TRMT112: variants seen among roughly 807,000 people sequenced by gnomAD.
The protein encoded by TRMT112 is tRNA methyltransferase activator subunit 11-2, also known as multifunctional methyltransferase subunit TRM112-like protein.
Under a neutral mutation model 13.8 loss-of-function variants are expected in TRMT112, and 9 were observed. The ratio of observed to expected loss-of-function variants is 0.65; its 90% CI spans 0.39 to 1.14. The LOEUF (loss-of-function observed/expected upper bound fraction) is 1.14. Ranked by LOEUF, TRMT112 falls within the 50% of genes most tolerant of loss-of-function variation. The pLI, the probability that TRMT112 is intolerant of heterozygous loss-of-function variation, is 0.01. For synonymous variants in TRMT112, 64 were observed against 67.0 expected, an observed-to-expected ratio of 0.96 and a Z score of 0.22; for missense variants, 196 against 165.5, an observed-to-expected ratio of 1.18 and a Z score of -1.01.
upstream of TRMT112, chr11:64,317,766 T>G (rs760432232): frequency 4.3e-5 from 33 of 763,514 alleles, no homozygotes; most frequent in Admixed American, 1.4e-4. Flanking sequence ...AGCTTTTTTT[T>G]GCCACAAATT....
chr11:64,316,628 C>A lies in TRMT112; in HGVS notation c.*233G>T. On this transcript the variant is annotated 3_prime_UTR_variant, in exon 4 of 4. Transcript: ENST00000544844. ...CGCAGGGACATGGGGCAAGCCAGGGCCCAGAGCCCTTGGCTGTACAGAGAC... is the reference window on the plus strand; with the variant it reads ...CGCAGGGACATGGGGCAAGCCAGGGACCAGAGCCCTTGGCTGTACAGAGAC... The A allele has an allele frequency of 2.0e-6, 1 of 511,216 alleles. No homozygotes were observed. 31.7% of individuals were successfully genotyped at this position (511,216 alleles called of 1,614,324 possible).
At position 64,317,275 on chromosome 11, in the gene TRMT112, C is replaced by T; in HGVS notation, c.169G>A (p.Ala57Thr). 1 of 1,610,798 alleles carries T rather than the reference C, an allele frequency of 6.2e-7. No homozygotes were observed. ...PKVEWSAFLE[A>T]ADNLRLIQVP... ...GTAAGGATCCTCACGTTATCGGCCGCCTCCAGGAACGCCGACCACTCCACT... is the reference window on the plus strand; with the variant it reads ...GTAAGGATCCTCACGTTATCGGCCGTCTCCAGGAACGCCGACCACTCCACT... Residue 57 changes from alanine (A) to threonine (T), a missense_variant, in exon 2 of 4, where the codon GCG becomes ACG. Transcript: ENST00000544844.
upstream of TRMT112, chr11:64,317,711 C>G (rs889705025): frequency 1.7e-5 from 13 of 768,004 alleles, 1 homozygote; most frequent in South Asian, 2.3e-4. Context: ...GGTCACGCGC[C>G]GCTACCGGAA....
At chr11:64,317,657 C>G (rs1415475976), upstream of TRMT112, 2 of 1,060,924 alleles carry the variant, frequency 1.9e-6, no homozygotes, top group African/African-American at 3.2e-5. Context: ...GCTGGAACTT[C>G]TCGTGTTTGT....
upstream of TRMT112, chr11:64,317,831 A>G: frequency 1.1e-6 from 1 of 873,084 alleles, no homozygotes; most frequent in South Asian, 2.2e-5. Context: ...GCTCTCGTTG[A>G]ATGCAAAATA....
chr11:64,317,165 A>G lies in TRMT112; in HGVS notation c.181-18T>C, dbSNP rs1387285150. On this transcript the variant is annotated intron_variant, in intron 2 of 3. Coordinates refer to ENST00000544844, the MANE Select transcript of TRMT112 (RefSeq NM_016404.3). Reference sequence around the variant, plus strand: ...AGACGCAACTGTGGGCAAGAGGCCAAAATTATCTCCGGGCATCCCGAACTC... The same window carrying G: ...AGACGCAACTGTGGGCAAGAGGCCAGAATTATCTCCGGGCATCCCGAACTC... The G allele has an allele frequency of 3.7e-6, 6 of 1,613,560 alleles. No individual in the cohort carries two copies. Among genetic ancestry groups the G allele is most frequent in the Non-Finnish European group, 5.1e-6 (6 of 1,179,522 alleles).
Position 64,316,581 on chromosome 11 carries a change from T to G in TRMT112, c.*280A>C. 2.6e-6 allele frequency: 1 copy of G among 385,322 alleles called. No individual in the cohort carries two copies. The highest frequency in any genetic ancestry group is 4.8e-6 in the Non-Finnish European group (1 of 208,748). 23.9% of individuals were successfully genotyped at this position (385,322 alleles called of 1,614,324 possible). On this transcript the variant is annotated 3_prime_UTR_variant, in exon 4 of 4. Transcript: ENST00000544844. ...CTGCAGAGCAATAACACTATATTTATTTTTGGGTTTGGCCAGGGAGGCGCA... is the reference window on the plus strand; with the variant it reads ...CTGCAGAGCAATAACACTATATTTAGTTTTGGGTTTGGCCAGGGAGGCGCA...
intron 1 of TRMT112, 39 bp from the exon 2 acceptor site, chr11:64,317,404 G>A (rs1244131839): frequency 1.2e-6 from 2 of 1,613,826 alleles, no homozygotes; most frequent in East Asian, 2.2e-5. Context: ...CTGGACCCCG[G>A]CCCACCATCC....
chr11:64,317,709 G>A (rs2035342378), upstream of TRMT112: 3 of 765,450 alleles, frequency 3.9e-6, no homozygotes, highest in Non-Finnish European at 6.0e-6. Context: ...CGGGTCACGC[G>A]CCGCTACCGG....
chr11:64,318,101 T>C, upstream of TRMT112: 2 of 1,489,750 alleles, frequency 1.3e-6, no homozygotes, highest in Non-Finnish European at 1.8e-6. Flanking sequence ...GCCTGCGCAG[T>C]GGAGGCGGCC....
upstream of TRMT112, chr11:64,317,947 G>T: frequency 7.2e-7 from 1 of 1,383,116 alleles, no homozygotes. Flanking sequence ...GCCCATGGAA[G>T]CCGAGCCGCA....
At position 64,316,949 on chromosome 11, in the gene TRMT112, G is replaced by A. The variant is rs140861721; in HGVS notation, c.290C>T (p.Thr97Ile). The A allele has an allele frequency of 1.9e-6, 3 of 1,612,950 alleles. No individual in the cohort carries two copies. The highest frequency in any genetic ancestry group is 2.2e-5 in the East Asian group (1 of 44,886). The change falls in exon 4 of 4, where the codon ACC becomes ATC. Residue 97 changes from threonine (T) to isoleucine (I), a missense_variant. Thr to Ile is a moderately conservative substitution (Grantham distance 89, BLOSUM62 -1). Coordinates refer to ENST00000544844, the MANE Select transcript of TRMT112 (RefSeq NM_016404.3). ...LLLEVEVIEGTLQCPESGRMF... is the reference protein window; with the variant it reads ...LLLEVEVIEGILQCPESGRMF... ...ACGTCCAGATTCCGGGCACTGCAGG[G>A]TGCCCTCTATCACTTCCACCTGCGG...
intron 2 of TRMT112, 32 bp downstream of exon 2, chr11:64,317,232 G>T (rs1470612627): frequency 6.2e-7 from 1 of 1,607,102 alleles, no homozygotes; most frequent in Non-Finnish European, 8.5e-7. Context: ...CGCATTCCCC[G>T]GGATATGCTG....
Position 64,316,574 on chromosome 11 carries a change from A to C in TRMT112, c.*287T>G. Reference sequence around the variant, plus strand: ...CTATGCCCTGCAGAGCAATAACACTATATTTATTTTTGGGTTTGGCCAGGG... The same window carrying C: ...CTATGCCCTGCAGAGCAATAACACTCTATTTATTTTTGGGTTTGGCCAGGG... On this transcript the variant is annotated 3_prime_UTR_variant, in exon 4 of 4. Coordinates refer to ENST00000544844, the MANE Select transcript of TRMT112 (RefSeq NM_016404.3). 1 of 364,972 alleles carries C rather than the reference A, an allele frequency of 2.7e-6. No homozygotes were observed. The allele number at this position is 364,972 out of a possible 1,614,324, so 22.6% of individuals were successfully genotyped here. A position where few individuals can be genotyped will look rare whatever the true frequency, so the allele number is the denominator to read the frequency against.
chr11:64,317,874 C>A, upstream of TRMT112: 1 of 1,227,936 alleles, frequency 8.1e-7, no homozygotes, highest in Non-Finnish European at 1.1e-6. Context: ...GCGCCTAACA[C>A]CGTCGTCCTC....
At chr11:64,318,425 C>A (rs1186286663), upstream of TRMT112, 4 of 1,570,972 alleles carry the variant, frequency 2.5e-6, no homozygotes, top group South Asian at 3.4e-5. Flanking sequence ...TCCCCCACTA[C>A]CCCCATGGCA....
chr11:64,318,136 G>T (rs1375465018), upstream of TRMT112: 3 of 1,572,008 alleles, frequency 1.9e-6, no homozygotes, highest in African/African-American at 2.7e-5. Flanking sequence ...GCAGGGTGTC[G>T]CCGCTGTGCC....
At chr11:64,317,904 A>AGG, upstream of TRMT112, 1 of 1,341,418 alleles carries the variant, frequency 7.5e-7, no homozygotes, top group Non-Finnish European at 9.6e-7. Context: ...CTTTCGGTTA[A>AGG]GGGGCAGAAA....
At chr11:64,318,476 G>C, upstream of TRMT112, 1 of 1,475,394 alleles carries the variant, frequency 6.8e-7, no homozygotes, top group East Asian at 2.5e-5. Context: ...TTTATTTCCT[G>C]CCTGCCAGAC....
Sources: gnomAD v4.1 joint callset for allele counts on GRCh38, gnomAD v4.1.1 for gene constraint, MANE v1.5 for transcripts, NCBI Gene and HGNC (gene_info 2026-07-23, HGNC 2026-07-21) for gene names.